OSMR: variants seen among roughly 807,000 people sequenced by gnomAD.
OSMR encodes oncostatin-M-specific receptor subunit beta.
Under a neutral mutation model 99.9 loss-of-function variants are expected in OSMR, and 81 were observed. The observed-to-expected ratio is 0.81, with a 90% confidence interval of 0.68 to 0.97. The LOEUF is 0.97. Among genes scored for constraint, OSMR ranks in the 50% least tolerant of loss-of-function variants. The pLI, the probability that OSMR is intolerant of heterozygous loss-of-function variation, is 0.00. For synonymous variants in OSMR, 406 were observed against 410.4 expected (o/e 0.99, Z 0.13); for missense variants, 1,099 against 1,153.4 (o/e 0.95, Z 0.68).
intron 1 of OSMR, among the ~76,000 whole-genome samples, chr5:38,856,069 G>T (rs1042564702): frequency 6.6e-6 from 1 of 152,198 alleles, no homozygotes; most frequent in Admixed American, 6.5e-5. Flanking sequence ...TGGGCTTTTC[G>T]TTGTGTTAGT....
downstream of OSMR, among the ~76,000 whole-genome samples, chr5:38,936,052 G>GAAGT (rs1747017254): frequency 6.6e-6 from 1 of 152,098 alleles, no homozygotes; most frequent in Non-Finnish European, 1.5e-5. Flanking sequence ...ATGGCTTTAG[G>GAAGT]AAGTGCTATT....
intron 11 of OSMR, chr5:38,919,371 T>A: frequency 7.5e-7 from 1 of 1,340,576 alleles, no homozygotes. Context: ...CCACTGAGAG[T>A]TGGAGTTACT....
intron 1 of OSMR, among the ~76,000 whole-genome samples, chr5:38,855,431 T>C (rs1740762511): frequency 6.6e-6 from 1 of 152,136 alleles, no homozygotes; most frequent in African/African-American, 2.4e-5. Context: ...ACTTAACATG[T>C]GGCAAATTGA....
At chr5:38,902,949 C>T (rs541553311) in intron 7 of OSMR, among the ~76,000 whole-genome samples, 4 of 152,294 alleles carry the variant, frequency 2.6e-5, no homozygotes, top group South Asian at 2.1e-4. Context: ...CCCACATTCT[C>T]GGGGTGTATG....
chr5:38,885,514 ACTT>A, intron 6 of OSMR, 30 bp downstream of exon 6: 1 of 1,613,536 alleles, frequency 6.2e-7, no homozygotes. Flanking sequence ...ATTATTGACA[ACTT>A]CTTCCTTGCT....
intron 2 of OSMR, among the ~76,000 whole-genome samples, chr5:38,871,111 C>T (rs1030725217): frequency 6.6e-6 from 1 of 152,202 alleles, no homozygotes; most frequent in African/African-American, 2.4e-5. Context: ...AACTCATTCT[C>T]CTTTTCTTAG....
Position 38,903,935 on chromosome 5 carries a change from G to A in OSMR, c.1045G>A (p.Ala349Thr), listed in dbSNP as rs1228623732. 3.7e-6 allele frequency: 6 copies of A among 1,613,682 alleles called. No homozygotes were observed. The Admixed American group carries it at 8.3e-5, about 22-fold the overall frequency. ...VNFENVNATN[A>T]IMTWKVHSIR... ...CTTTGAAAATGTAAATGCCACAAATGCCATCATGACCTGGAAGGTGCACTC... is the reference window on the plus strand; with the variant it reads ...CTTTGAAAATGTAAATGCCACAAATACCATCATGACCTGGAAGGTGCACTC... The change falls in exon 8 of 18, where the codon GCC (alanine) becomes ACC (threonine). Residue 349 changes from alanine to threonine, a missense_variant. Physicochemically the swap from Ala to Thr is moderately conservative, Grantham distance 58. Coordinates refer to ENST00000274276, the MANE Select transcript of OSMR (RefSeq NM_003999.3).
rs1051301076 is a variant in OSMR, at chr5:38,919,292, G to A, written c.1585+230G>A. The A allele has an allele frequency of 3.6e-5, 53 of 1,490,854 alleles. No individual in the cohort carries two copies. The African/African-American group carries it at 4.0e-4, about 11-fold the overall frequency. 92.4% of individuals were successfully genotyped at this position (1,490,854 alleles called of 1,614,324 possible). A position where few individuals can be genotyped will look rare whatever the true frequency, so the allele number is the denominator to read the frequency against. ...ATGGCTCAGGACATTTCTGTCCAGG[G>A]GATTCTTCAACATACATGGGAAATT... is the stretch of plus-strand genomic sequence containing the variant. On this transcript the variant is annotated intron_variant, in intron 11 of 17. Transcript: ENST00000274276.
At chr5:38,930,478 G>T (rs1579814592) in intron 15 of OSMR, among the ~76,000 whole-genome samples, 1 of 152,206 alleles carries the variant, frequency 6.6e-6, no homozygotes, top group Non-Finnish European at 1.5e-5. Context: ...CAGATGTGAG[G>T]TGGAGCATGG....
chr5:38,940,300 CCA>C (rs1004282135), downstream of OSMR: 15 of 230,554 alleles, frequency 6.5e-5, no homozygotes, highest in African/African-American at 8.9e-5. Context: ...AGGGATTAAA[CCA>C]CAGATTTTTA....
intron 7 of OSMR, among the ~76,000 whole-genome samples, chr5:38,899,770 C>G (rs542553137): frequency 3.9e-5 from 6 of 152,172 alleles, no homozygotes; most frequent in Non-Finnish European, 8.8e-5. Context: ...TTTGGATAAG[C>G]TGGTATCCAA....
chr5:38,925,545 C>T (rs1230870059), intron 15 of OSMR, among the ~76,000 whole-genome samples, 174 bp downstream of exon 15: 1 of 152,166 alleles, frequency 6.6e-6, no homozygotes, highest in African/African-American at 2.4e-5. Context: ...AAGGGTTGCA[C>T]AGACTCTCAC....
downstream of OSMR, chr5:38,937,855 A>G (rs1747138906): frequency 5.8e-6 from 1 of 172,800 alleles, no homozygotes; most frequent in Non-Finnish European, 1.3e-5. The surrounding 1 kb of genome is among the most constrained non-coding windows in gnomAD (Gnocchi z 4.0). Flanking sequence ...TCGGCATTAC[A>G]GGACTCAAAT....
At chr5:38,863,025 G>A (rs927828270) in intron 1 of OSMR, among the ~76,000 whole-genome samples, 9 of 151,974 alleles carry the variant, frequency 5.9e-5, no homozygotes, top group East Asian at 1.9e-4. Context: ...CCAGTCAGGC[G>A]TGGCGGCGTG....
Position 38,944,583 on chromosome 5 carries a change from A to C in OSMR, c.*86+264A>C, listed in dbSNP as rs745596936. On this transcript the variant is annotated intron_variant and NMD_transcript_variant, in intron 2 of 2. Coordinates refer to the OSMR transcript ENST00000508882. Reference sequence around the variant, plus strand: ...TTGTTTTAACACCTGAAAAGATTTCAGGGAGAAGTTAAATATTATCTATGT... The same window carrying C: ...TTGTTTTAACACCTGAAAAGATTTCCGGGAGAAGTTAAATATTATCTATGT... 5.1e-6 allele frequency: 8 copies of C among 1,572,298 alleles called. No individual in the cohort carries two copies. Among genetic ancestry groups the C allele is most frequent in the Non-Finnish European group, 4.3e-6 (5 of 1,162,510 alleles).
At chr5:38,867,119 C>CA (rs541761498) in intron 1 of OSMR, among the ~76,000 whole-genome samples, 4 of 152,190 alleles carry the variant, frequency 2.6e-5, no homozygotes, top group Non-Finnish European at 5.9e-5. Context: ...GTCCCTCCCT[C>CA]AGTGTATTCT....
At chr5:38,932,806 T>C (rs1746821363) in intron 17 of OSMR, 66 bp from the exon 18 acceptor site, 1 of 1,605,978 alleles carries the variant, frequency 6.2e-7, no homozygotes, top group African/African-American at 1.3e-5. Context: ...ACATGCTTAA[T>C]ATACTTTGAT....
chr5:38,917,010 G>T (rs2112623519), intron 9 of OSMR, among the ~76,000 whole-genome samples: 1 of 152,184 alleles, frequency 6.6e-6, no homozygotes, highest in South Asian at 2.1e-4. Flanking sequence ...GCAAGCAGGT[G>T]ACCCAGGCGC....
At position 38,944,292 on chromosome 5, in the gene OSMR, G is replaced by A. The variant is rs542447316; in HGVS notation, c.*59G>A. 60 of 752,608 alleles carry A rather than the reference G, an allele frequency of 8.0e-5. 1 individual carries two copies. The African/African-American group carries it at 8.7e-4, about 11-fold the overall frequency. 46.6% of individuals were successfully genotyped at this position (752,608 alleles called of 1,614,324 possible). A position where few individuals can be genotyped will look rare whatever the true frequency, so the allele number is the denominator to read the frequency against. On this transcript the variant is annotated 3_prime_UTR_variant and NMD_transcript_variant, in exon 2 of 3. Transcript: ENST00000508882. Reference sequence around the variant, plus strand: ...GTTGCCATATGTTGTTTTGGCTGAAGTATTAAAGAAAATCTAGCCTCACAC... The same window carrying A: ...GTTGCCATATGTTGTTTTGGCTGAAATATTAAAGAAAATCTAGCCTCACAC...
Sources: gnomAD v4.1 joint callset for allele counts (sites outside exome capture counted in the v4.1 genomes callset) on GRCh38, gnomAD v4.1.1 for gene constraint, Gnocchi (gnomAD v3.1) non-coding constraint, MANE v1.5 for transcripts, NCBI Gene and HGNC (gene_info 2026-07-23, HGNC 2026-07-21) for gene names.